Variants in ZFHX4 observed in about 807,000 individuals in gnomAD.
ZFHX4 encodes the protein zinc finger homeobox protein 4.
Under a neutral mutation model 267.6 loss-of-function variants are expected in ZFHX4, and 56 were observed. The observed-to-expected ratio is 0.21, with a 90% CI of 0.17 to 0.26. The LOEUF (loss-of-function observed/expected upper bound fraction) is 0.26. Ranked by LOEUF, ZFHX4 falls within the 10% of genes least tolerant of loss-of-function variation. The pLI is 1.00. For missense variants in ZFHX4, 4,332 were observed against 4,420.0 expected (o/e 0.98, Z 0.56); for synonymous variants, 1,778 against 1,665.6 (o/e 1.07, Z -1.64).
At chr8:76,810,820 A>G (rs1811358307) in intron 4 of ZFHX4, among the ~76,000 whole-genome samples, 1 of 152,072 alleles carries the variant, frequency 6.6e-6, no homozygotes, top group Non-Finnish European at 1.5e-5. Context: ...ATTTTTTTTC[A>G]TATAAATTGG....
intron 3 of ZFHX4, among the ~76,000 whole-genome samples, chr8:76,762,038 C>A (rs975663587): frequency 1.3e-5 from 2 of 152,106 alleles, no homozygotes; most frequent in African/African-American, 4.8e-5. Context: ...TGGGTCTACT[C>A]CTCTGGAGGA....
Position 76,707,307 on chromosome 8 carries a change from G to A in ZFHX4, c.2591-239G>A, listed in dbSNP as rs568912849. Among the ~76,000 whole-genome samples, 5 of 152,174 alleles carry A rather than the reference G, an allele frequency of 3.3e-5. No homozygotes were observed. In the South Asian group the frequency reaches 1.0e-3, roughly 32 times the overall value. On this transcript the variant is annotated intron_variant, in intron 2 of 10. Coordinates refer to ENST00000651372, the MANE Select transcript of ZFHX4 (RefSeq NM_024721.5). ...GGTATTGATCAACTTTCTTGCCCTC[G>A]AAAATACAAATTTCAGAATGACATC...
At chr8:76,802,218 A>G (rs1811134996) in intron 4 of ZFHX4, among the ~76,000 whole-genome samples, 1 of 152,178 alleles carries the variant, frequency 6.6e-6, no homozygotes, top group Non-Finnish European at 1.5e-5. Context: ...CTTCAAGATT[A>G]TCCAGAACTG....
chr8:76,685,507 G>A (rs1487378191), intron 1 of ZFHX4, among the ~76,000 whole-genome samples: 1 of 152,092 alleles, frequency 6.6e-6, no homozygotes, highest in Admixed American at 6.5e-5. Context: ...TGTAAAGCCC[G>A]TGTTCGATTA....
At position 76,705,632 on chromosome 8, in the gene ZFHX4, T is replaced by C. The variant is rs768430059; in HGVS notation, c.1544T>C (p.Leu515Pro). The C allele has an allele frequency of 6.2e-7, 1 of 1,613,934 alleles. No individual in the cohort carries two copies. The highest frequency in any genetic ancestry group is 8.5e-7 in the Non-Finnish European group (1 of 1,179,846). Residue 515 changes from leucine (L) to proline (P), a missense_variant, in exon 2 of 11, where the codon CTA becomes CCA. Physicochemically the swap from Leu to Pro is moderately conservative, Grantham distance 98. Coordinates refer to ENST00000651372, the MANE Select transcript of ZFHX4 (RefSeq NM_024721.5). ...QSISPLSSSVLKFIEKGTSSS... is the reference protein window; with the variant it reads ...QSISPLSSSVPKFIEKGTSSS... Reference sequence around the variant, plus strand: ...ATTTCTCCTTTATCATCCAGTGTGCTAAAATTTATTGAAAAGGGTACCTCG... The same window carrying C: ...ATTTCTCCTTTATCATCCAGTGTGCCAAAATTTATTGAAAAGGGTACCTCG...
At chr8:76,745,991 CT>C (rs1386586597) in intron 3 of ZFHX4, among the ~76,000 whole-genome samples, 1 of 152,164 alleles carries the variant, frequency 6.6e-6, no homozygotes, top group Non-Finnish European at 1.5e-5. Flanking sequence ...TACAGGATTA[CT>C]TTTATTTCTT....
intron 4 of ZFHX4, among the ~76,000 whole-genome samples, chr8:76,787,737 C>T (rs886995672): frequency 4.0e-5 from 6 of 151,648 alleles, no homozygotes; most frequent in South Asian, 2.1e-4. Context: ...GGCGTGAACC[C>T]GGGAGGCAGA....
rs1196741162 is a variant in ZFHX4, at chr8:76,706,310, A to G, written c.2222A>G (p.His741Arg). ...QNGNGEQVFG[H>R]SAPAPNTSLS... ...GGCAATGGTGAGCAGGTGTTTGGCCACTCTGCCCCAGCCCCCAACACCAGC... is the reference window on the plus strand; with the variant it reads ...GGCAATGGTGAGCAGGTGTTTGGCCGCTCTGCCCCAGCCCCCAACACCAGC... Residue 741 changes from histidine to arginine, a missense_variant, in exon 2 of 11, where the codon CAC (histidine) becomes CGC (arginine). Physicochemically the swap from His to Arg is conservative, Grantham distance 29 (BLOSUM62 0). Around this residue, in one of 7 missense-constraint regions of ZFHX4, gnomAD observed 1,195 missense variants for 1,173.6 expected, o/e 1.02. Coordinates refer to ENST00000651372, the MANE Select transcript of ZFHX4 (RefSeq NM_024721.5). 3.1e-6 allele frequency: 5 copies of G among 1,614,042 alleles called. No homozygotes were observed. The South Asian group carries it at 5.5e-5, about 18-fold the overall frequency.
intron 8 of ZFHX4, chr8:76,849,940 C>CT: frequency 1.7e-6 from 1 of 591,528 alleles, no homozygotes; most frequent in Non-Finnish European, 3.0e-6. Context: ...TTGCAGTCTT[C>CT]TTTTTATATC....
In ZFHX4 at chr8:76,853,541, G is replaced by A. The variant is rs1563562074; in HGVS notation, c.6620G>A (p.Arg2207Lys). 6.2e-7 allele frequency: 1 copy of A among 1,613,770 alleles called. No homozygotes were observed. The highest frequency in any genetic ancestry group is 8.5e-7 in the Non-Finnish European group (1 of 1,179,876). ...NPPITVLEDI[R>K]IDPQPTSLEH... is the part of the protein sequence containing the mutation. ...CCTATAACGGTTTTAGAAGATATCA[G>A]AATTGATCCACAGCCCACCTCTTTA... The change falls in exon 10 of 11, where the codon AGA (arginine) becomes AAA (lysine). Residue 2207 changes from arginine (R) to lysine (K), a missense_variant. Coordinates refer to ENST00000651372, the MANE Select transcript of ZFHX4 (RefSeq NM_024721.5).
intron 1 of ZFHX4, among the ~76,000 whole-genome samples, chr8:76,695,723 A>G (rs1281368495): frequency 6.6e-6 from 1 of 152,132 alleles, no homozygotes; most frequent in Non-Finnish European, 1.5e-5. Context: ...GTTTAATTCT[A>G]TTGATTTACA....
At chr8:76,843,173 AT>A (rs1235115900) in intron 6 of ZFHX4, among the ~76,000 whole-genome samples, 2 of 152,208 alleles carry the variant, frequency 1.3e-5, no homozygotes, top group East Asian at 3.8e-4. Context: ...GAATTTTGTC[AT>A]TCAGTCACAT....
In ZFHX4 at chr8:76,851,125, T is replaced by G; in HGVS notation, c.4204T>G (p.Cys1402Gly). Reference protein sequence around the residue: ...RHVYKYRCNHCSLAFKTMQKL... With the variant: ...RHVYKYRCNHGSLAFKTMQKL... ...TGTCTACAAGTATCGCTGTAACCAT[T>G]GTAGCTTGGCTTTCAAAACTATGCA... Residue 1402 changes from cysteine (C) to glycine (G), a missense_variant, in exon 10 of 11, where the codon TGT (cysteine) becomes GGT (glycine). Coordinates refer to ENST00000651372, the MANE Select transcript of ZFHX4 (RefSeq NM_024721.5). The G allele has an allele frequency of 6.2e-7, 1 of 1,613,996 alleles. No individual in the cohort carries two copies. The highest frequency in any genetic ancestry group is 8.5e-7 in the Non-Finnish European group (1 of 1,179,882).
At chr8:76,763,871 G>C (rs1809982685) in intron 3 of ZFHX4, among the ~76,000 whole-genome samples, 1 of 152,120 alleles carries the variant, frequency 6.6e-6, no homozygotes. Flanking sequence ...TAGTTTAAAA[G>C]TTACCATAAG....
At chr8:76,818,451 T>C (rs1811562053) in intron 4 of ZFHX4, among the ~76,000 whole-genome samples, 1 of 152,050 alleles carries the variant, frequency 6.6e-6, no homozygotes, top group African/African-American at 2.4e-5. Context: ...TTGGATTCGA[T>C]AAAGGAGAAA....
At chr8:76,832,558 A>C (rs1811963437) in intron 4 of ZFHX4, among the ~76,000 whole-genome samples, 1 of 152,152 alleles carries the variant, frequency 6.6e-6, no homozygotes. Flanking sequence ...ACGGTCAGGA[A>C]AGAGAAGAAG....
rs565689574 is a variant in ZFHX4 at position 76,860,152 on chromosome 8, T to C, written c.9380-2942T>C. On this transcript the variant is annotated intron_variant, in intron 10 of 10. Coordinates refer to ENST00000651372, the MANE Select transcript of ZFHX4 (RefSeq NM_024721.5). ...TCTCCTCTATTTCTGGTTTTCTGGC[T>C]ACTGATATTTTTACTGCAAATTTTT... Among the ~76,000 whole-genome samples the C allele has an allele frequency of 2.6e-5, 4 of 152,286 alleles. No homozygotes were observed. The East Asian group carries it at 5.8e-4, about 22-fold the overall frequency.
chr8:76,842,720 G>GAC lies in ZFHX4; in HGVS notation c.3464_3465dup (p.Ser1156GlnfsTer18). The GAC allele has an allele frequency of 6.4e-7, 1 of 1,554,816 alleles. No individual in the cohort carries two copies. Among genetic ancestry groups the GAC allele is most frequent in the African/African-American group, 1.4e-5 (1 of 73,224 alleles). ...AGCAGTGGCCGAGGACGATGAAAAA[G>GAC]ACACAAGTGAGAGAGACAATAGTGA... On this transcript the variant is annotated frameshift_variant, in exon 6 of 11. Transcript: ENST00000651372. LOFTEE classifies it high-confidence loss of function.
At chr8:76,789,002 G>A (rs1028474630) in intron 4 of ZFHX4, among the ~76,000 whole-genome samples, 4 of 152,294 alleles carry the variant, frequency 2.6e-5, no homozygotes, top group African/African-American at 9.6e-5. Flanking sequence ...TTTGTATTCT[G>A]GAAAGTTTGC....
Sources: gnomAD v4.1 joint callset for allele counts (sites outside exome capture counted in the v4.1 genomes callset) on GRCh38, gnomAD v4.1.1 for gene constraint, gnomAD v4.1.1 regional missense constraint, MANE v1.5 for transcripts, NCBI Gene and HGNC (gene_info 2026-07-23, HGNC 2026-07-21) for gene names.